MED27: variants seen among roughly 807,000 people sequenced by gnomAD.
MED27 encodes mediator complex subunit 27.
MED27 carries 30 observed loss-of-function variants against 38.2 expected under a neutral mutation model. That is an observed-to-expected ratio of 0.79 (90% CI 0.59 to 1.07). MED27 has a LOEUF of 1.07. Among genes scored for constraint, MED27 ranks in the 50% least tolerant of loss-of-function variants. The pLI is 0.00. For synonymous variants in MED27, 122 were observed against 153.5 expected, an observed-to-expected ratio of 0.79 and a Z score of 1.52; for missense variants, 289 against 397.5, an observed-to-expected ratio of 0.73 and a Z score of 2.32.
At chr9:131,935,723 G>A (rs1350742088) in intron 4 of MED27, among the ~76,000 whole-genome samples, 1 of 152,138 alleles carries the variant, frequency 6.6e-6, no homozygotes, top group African/African-American at 2.4e-5. Context: ...GCAGGGACTG[G>A]GGAGGAGCCA....
At chr9:131,931,422 C>T (rs1830586110) in intron 4 of MED27, among the ~76,000 whole-genome samples, 1 of 151,486 alleles carries the variant, frequency 6.6e-6, no homozygotes, top group African/African-American at 2.4e-5. Context: ...CTAAAAGGAA[C>T]AAAAGAAGGA....
At chr9:131,863,336 G>A (rs527843260) in intron 6 of MED27, among the ~76,000 whole-genome samples, 196 bp from the exon 7 acceptor site, 2 of 152,296 alleles carry the variant, frequency 1.3e-5, no homozygotes, top group Admixed American at 6.5e-5. Context: ...GCATGCTGTC[G>A]GCAGAAAGGA....
chr9:132,000,878 G>A (rs967788164), intron 3 of MED27, among the ~76,000 whole-genome samples: 35 of 151,444 alleles, frequency 2.3e-4, no homozygotes, highest in South Asian at 1.0e-3. Context: ...GAGCTACCAC[G>A]CCTAGTCAAA....
At chr9:131,957,350 G>A (rs1831126602) in intron 3 of MED27, among the ~76,000 whole-genome samples, 1 of 152,054 alleles carries the variant, frequency 6.6e-6, no homozygotes, top group Non-Finnish European at 1.5e-5. Flanking sequence ...AATCTCCCGG[G>A]CACAAGCAAT....
chr9:132,053,113 C>T (rs1487982566), intron 2 of MED27, among the ~76,000 whole-genome samples: 13 of 152,110 alleles, frequency 8.5e-5, no homozygotes, highest in African/African-American at 2.4e-4. Context: ...ATTAGCCGGG[C>T]GTGGTTGCAG....
chr9:132,033,057 G>A (rs890756065), intron 2 of MED27, among the ~76,000 whole-genome samples: 5 of 151,960 alleles, frequency 3.3e-5, no homozygotes, highest in African/African-American at 7.3e-5. Flanking sequence ...TTCCTACCCC[G>A]CCAGCTAAAA....
chr9:131,902,989 C>T (rs558939383), intron 4 of MED27, among the ~76,000 whole-genome samples: 8 of 152,340 alleles, frequency 5.3e-5, no homozygotes, highest in African/African-American at 1.9e-4. Flanking sequence ...CTCCAGTTTT[C>T]TTGCCTGTCA....
intron 2 of MED27, among the ~76,000 whole-genome samples, chr9:132,059,107 C>A (rs1833645160): frequency 6.6e-6 from 1 of 152,216 alleles, no homozygotes. Flanking sequence ...TACAGACTCA[C>A]ACTACTTAGC....
intron 5 of MED27, among the ~76,000 whole-genome samples, chr9:131,893,240 G>A (rs1052976823): frequency 2.0e-5 from 3 of 152,032 alleles, no homozygotes; most frequent in African/African-American, 4.8e-5. Context: ...TCTCAGGCAC[G>A]GTGTTCATTA....
chr9:131,909,598 A>G (rs929052788), intron 4 of MED27, among the ~76,000 whole-genome samples: 1 of 152,260 alleles, frequency 6.6e-6, no homozygotes, highest in African/African-American at 2.4e-5. Flanking sequence ...TTTTGTCTGT[A>G]GGATATATGC....
chr9:131,911,527 T>G (rs1270009690), intron 4 of MED27, among the ~76,000 whole-genome samples: 2 of 152,190 alleles, frequency 1.3e-5, no homozygotes, highest in Non-Finnish European at 2.9e-5. Flanking sequence ...CCTAGAATAA[T>G]AATGGCCAGG....
chr9:132,045,857 C>A (rs546090641), intron 2 of MED27, among the ~76,000 whole-genome samples: 30 of 152,290 alleles, frequency 2.0e-4, no homozygotes, highest in African/African-American at 5.5e-4. Context: ...TGGGAAACCT[C>A]CTTAAAGCTC....
At chr9:131,918,098 C>T (rs550371626) in intron 4 of MED27, among the ~76,000 whole-genome samples, 8 of 152,160 alleles carry the variant, frequency 5.3e-5, no homozygotes, top group Non-Finnish European at 1.0e-4. Flanking sequence ...ATTGTAAATG[C>T]CAGCCATTGA....
At chr9:131,926,030 G>A (rs369594826) in intron 4 of MED27, among the ~76,000 whole-genome samples, 2 of 152,236 alleles carry the variant, frequency 1.3e-5, no homozygotes, top group African/African-American at 4.8e-5. Context: ...GCCCAGACTG[G>A]TGTCTCCTGC....
chr9:131,987,266 TAA>T (rs1019032967), intron 3 of MED27, among the ~76,000 whole-genome samples: 9 of 152,136 alleles, frequency 5.9e-5, no homozygotes, highest in African/African-American at 1.9e-4. Context: ...TTTCTTTTAC[TAA>T]GTGTATGAAC....
At chr9:132,014,521 G>T in intron 2 of MED27, 54 bp from the exon 3 acceptor site, 1 of 1,572,488 alleles carries the variant, frequency 6.4e-7, no homozygotes, top group Non-Finnish European at 8.7e-7. Context: ...GGTAAAAGTA[G>T]GACAAATGGT....
chr9:131,917,081 A>T lies in MED27; in HGVS notation c.573+22300T>A, dbSNP rs1364758780. Reference sequence around the variant, plus strand: ...AAAGCATAAAAGCACCAGGCATGGGAATCTTGTTCCTAAGGAGCCCCTGGA... The same window carrying T: ...AAAGCATAAAAGCACCAGGCATGGGTATCTTGTTCCTAAGGAGCCCCTGGA... On this transcript the variant is annotated intron_variant, in intron 4 of 7. Coordinates refer to ENST00000292035, the MANE Select transcript of MED27 (RefSeq NM_004269.4). The surrounding 1 kb of genome is among the most constrained non-coding windows in gnomAD (Gnocchi z 4.6). 6.6e-6 allele frequency among the ~76,000 whole-genome samples: 1 copy of T among 152,194 alleles called. No homozygotes were observed. Among genetic ancestry groups the T allele is most frequent in the African/African-American group, 2.4e-5 (1 of 41,448 alleles).
In MED27 at chr9:131,883,293, G is replaced by A. The variant is rs1839080597; in HGVS notation, c.723+765C>T. On this transcript the variant is annotated intron_variant, in intron 6 of 7. Coordinates refer to ENST00000292035, the MANE Select transcript of MED27 (RefSeq NM_004269.4). This position sits in a 1 kb window ranked among gnomAD's most constrained non-coding sequence, Gnocchi z 4.2. ...AGATGGATGAGAACAGAAGAAGCCG[G>A]CTGCTGCCCTGCAGGGAGCTGGCCC... Among the ~76,000 whole-genome samples, 1 of 152,172 alleles carries A rather than the reference G, an allele frequency of 6.6e-6. No homozygotes were observed. Among genetic ancestry groups the A allele is most frequent in the Non-Finnish European group, 1.5e-5 (1 of 68,032 alleles).
chr9:132,008,210 A>G (rs1303645401), intron 3 of MED27, among the ~76,000 whole-genome samples: 2 of 152,224 alleles, frequency 1.3e-5, no homozygotes, highest in East Asian at 1.9e-4. Context: ...CGAGGCTGCT[A>G]TCTAAGATAG....
Sources: allele counts gnomAD v4.1 joint callset (sites outside exome capture counted in the v4.1 genomes callset), GRCh38; gene constraint gnomAD v4.1.1; non-coding constraint Gnocchi (gnomAD v3.1); transcripts MANE v1.5; gene names NCBI Gene and HGNC (gene_info 2026-07-23, HGNC 2026-07-21).